The following ZEB1 variants were observed in gnomAD, a reference collection of about 807,000 sequenced individuals.
ZEB1 encodes zinc finger E-box binding homeobox 1, also known as zinc finger E-box-binding homeobox 1.
ZEB1 carries 21 observed loss-of-function variants against 84.9 expected under a neutral mutation model. The ratio of observed to expected loss-of-function variants is 0.25; its 90% CI spans 0.18 to 0.36. ZEB1 has a LOEUF of 0.36. Among genes scored for constraint, ZEB1 ranks in the 10% least tolerant of loss-of-function variants. The pLI, the probability that ZEB1 is intolerant of heterozygous loss-of-function variation, is 1.00. For missense variants in ZEB1, 1,104 were observed against 1,330.2 expected (o/e 0.83, Z 2.65); for synonymous variants, 420 against 471.1 (o/e 0.89, Z 1.41).
intron 1 of ZEB1, among the ~76,000 whole-genome samples, chr10:31,424,370 A>C (rs965318624): frequency 6.6e-6 from 1 of 152,006 alleles, no homozygotes; most frequent in Non-Finnish European, 1.5e-5. Flanking sequence ...AGTGAAACTT[A>C]CTGGGGATGA....
In ZEB1 at chr10:31,398,768, A is replaced by G. The variant is rs373821822; in HGVS notation, c.59-62269A>G. 2.6e-3 allele frequency among the ~76,000 whole-genome samples: 397 copies of G among 152,032 alleles called. 3 individuals carry two copies. The highest frequency in any genetic ancestry group is 3.0e-3 in the Non-Finnish European group (201 of 67,966). ...TAACACTCCTTGTTTGGCCTTTTAG[A>G]TACTATACTACACTGTCCTGTTTTT... is the stretch of plus-strand genomic sequence containing the variant. On this transcript the variant is annotated intron_variant, in intron 1 of 8. Coordinates refer to ENST00000424869, the MANE Select transcript of ZEB1 (RefSeq NM_001174096.2).
intron 1 of ZEB1, among the ~76,000 whole-genome samples, chr10:31,424,047 T>C (rs963448832): frequency 2.0e-5 from 3 of 152,042 alleles, no homozygotes; most frequent in African/African-American, 7.2e-5. Flanking sequence ...TTTGGTTGAT[T>C]TCAGCCAACC....
intron 1 of ZEB1, among the ~76,000 whole-genome samples, chr10:31,350,582 A>C (rs549848707): frequency 6.6e-6 from 1 of 152,290 alleles, no homozygotes; most frequent in East Asian, 1.9e-4. Context: ...CTAGTTTAAG[A>C]TACTTGGTTA....
At chr10:31,389,344 A>G (rs961611716) in intron 1 of ZEB1, among the ~76,000 whole-genome samples, 2 of 152,176 alleles carry the variant, frequency 1.3e-5, no homozygotes, top group South Asian at 2.1e-4. Context: ...TCATGTGTAC[A>G]TATACACATA....
intron 2 of ZEB1, among the ~76,000 whole-genome samples, chr10:31,469,692 G>C (rs1228516359): frequency 6.6e-6 from 1 of 152,200 alleles, no homozygotes; most frequent in Non-Finnish European, 1.5e-5. Context: ...CCAGAAGCTG[G>C]AACTGGGTGA....
intron 1 of ZEB1, among the ~76,000 whole-genome samples, chr10:31,412,123 T>C (rs1300508934): frequency 3.3e-5 from 5 of 152,218 alleles, no homozygotes; most frequent in Non-Finnish European, 7.3e-5. Context: ...TGTCCTACTT[T>C]TACAAAATAT....
chr10:31,354,304 C>T (rs1303398453), intron 1 of ZEB1, among the ~76,000 whole-genome samples: 2 of 152,042 alleles, frequency 1.3e-5, no homozygotes, highest in Non-Finnish European at 2.9e-5. Flanking sequence ...ACAAAGTGGG[C>T]ACCTTTAAAA....
chr10:31,477,068 G>A (rs1263693203), intron 2 of ZEB1, among the ~76,000 whole-genome samples: 1 of 151,910 alleles, frequency 6.6e-6, no homozygotes, highest in Non-Finnish European at 1.5e-5. Context: ...CAGAACAGTT[G>A]GGCAAGAGAA....
chr10:31,490,086 A>C (rs1050498110), intron 2 of ZEB1, among the ~76,000 whole-genome samples: 1 of 151,240 alleles, frequency 6.6e-6, no homozygotes, highest in Non-Finnish European at 1.5e-5. Context: ...ATTATATATT[A>C]TTTCCTCTGG....
intron 1 of ZEB1, among the ~76,000 whole-genome samples, chr10:31,332,179 C>A (rs1437975575): frequency 1.3e-5 from 2 of 152,188 alleles, no homozygotes; most frequent in East Asian, 3.8e-4. Context: ...ACTACCACTT[C>A]TACCACCACC....
chr10:31,497,883 A>T (rs956348212), intron 3 of ZEB1, among the ~76,000 whole-genome samples: 2 of 151,948 alleles, frequency 1.3e-5, no homozygotes, highest in Non-Finnish European at 2.9e-5. Flanking sequence ...TGGAGGATAA[A>T]GATAAGAGGA....
intron 1 of ZEB1, among the ~76,000 whole-genome samples, chr10:31,413,595 A>G (rs538538642): frequency 8.6e-5 from 13 of 151,262 alleles, no homozygotes; most frequent in African/African-American, 3.2e-4. Flanking sequence ...CAGATATGAA[A>G]GATAAGGAGT....
chr10:31,439,336 C>T (rs374041518), intron 1 of ZEB1, among the ~76,000 whole-genome samples: 4 of 152,162 alleles, frequency 2.6e-5, no homozygotes, highest in East Asian at 1.9e-4. Context: ...TTAATTTGCA[C>T]GGTGCCAAGA....
chr10:31,331,078 TTTC>T (rs1462991506), intron 1 of ZEB1, among the ~76,000 whole-genome samples: 2,415 of 134,334 alleles, frequency 0.018, 155 homozygotes, highest in African/African-American at 0.054. Context: ...TTTTTCTTTC[TTTC>T]TTTTTTTTTT....
intron 1 of ZEB1, among the ~76,000 whole-genome samples, chr10:31,458,931 T>G (rs925964609): frequency 2.0e-5 from 3 of 152,152 alleles, no homozygotes; most frequent in African/African-American, 7.2e-5. Context: ...TATGTCCTGA[T>G]AAATTCATCG....
At chr10:31,469,368 G>C (rs1187485200) in intron 2 of ZEB1, among the ~76,000 whole-genome samples, 1 of 152,326 alleles carries the variant, frequency 6.6e-6, no homozygotes, top group Non-Finnish European at 1.5e-5. Context: ...CCATGCGTGA[G>C]CCGAAGCAGG....
At chr10:31,522,626 A>G (rs1056706853) in intron 7 of ZEB1, among the ~76,000 whole-genome samples, 7 of 152,180 alleles carry the variant, frequency 4.6e-5, no homozygotes, top group African/African-American at 1.4e-4. Context: ...CCCAAAATCC[A>G]CAATAGTTTT....
intron 1 of ZEB1, among the ~76,000 whole-genome samples, chr10:31,369,648 G>A (rs1194738927): frequency 6.6e-6 from 1 of 152,110 alleles, no homozygotes; most frequent in Non-Finnish European, 1.5e-5. Flanking sequence ...TGTAAATAAT[G>A]CAACAATGAA....
At chr10:31,459,303 A>G (rs1417008152) in intron 1 of ZEB1, among the ~76,000 whole-genome samples, 1 of 152,146 alleles carries the variant, frequency 6.6e-6, no homozygotes, top group African/African-American at 2.4e-5. Flanking sequence ...TTTGAATTAT[A>G]TATACACACA....
Sources: allele counts gnomAD v4.1 joint callset (sites outside exome capture counted in the v4.1 genomes callset), GRCh38; gene constraint gnomAD v4.1.1; transcripts MANE v1.5; gene names NCBI Gene and HGNC (gene_info 2026-07-23, HGNC 2026-07-21).